The following CFAP54 variants were observed in gnomAD, a reference collection of about 807,000 sequenced individuals.
CFAP54 encodes the protein cilia and flagella associated protein 54.
A neutral mutation model predicts 370.4 loss-of-function variants in CFAP54; 290 were observed. The observed-to-expected ratio is 0.78, with a 90% CI of 0.71 to 0.86. The LOEUF (loss-of-function observed/expected upper bound fraction) is 0.86. CFAP54 is among the 40% of genes least tolerant of loss of function. The pLI is 0.00. For missense variants in CFAP54, 3,399 were observed against 3,528.7 expected, an observed-to-expected ratio of 0.96 and a Z score of 0.93; for synonymous variants, 1,206 against 1,236.5, an observed-to-expected ratio of 0.98 and a Z score of 0.52.
At chr12:96,780,669 G>A (rs192011168) in intron 60 of CFAP54, among the ~76,000 whole-genome samples, 1 of 152,266 alleles carries the variant, frequency 6.6e-6, no homozygotes, top group Admixed American at 6.5e-5. Flanking sequence ...GGCCTATTGT[G>A]TTCCAAGCAG....
intron 27 of CFAP54, 73 bp from the exon 28 acceptor site, chr12:96,623,694 A>C: frequency 1.4e-6 from 1 of 714,274 alleles, no homozygotes; most frequent in East Asian, 2.7e-5. Context: ...ACATAATTTA[A>C]AGAATGTTGT....
At chr12:96,646,185 T>C (rs1320090448) in intron 33 of CFAP54, 2 of 151,726 alleles carry the variant, frequency 1.3e-5, no homozygotes, top group African/African-American at 4.8e-5. Context: ...TGGGAGAAAA[T>C]TTTTGCAATC....
In CFAP54 at chr12:96,616,076, C is replaced by A. The variant is rs569435147; in HGVS notation, c.3640-5514C>A. Among the ~76,000 whole-genome samples the A allele has an allele frequency of 3.5e-3, 540 of 152,190 alleles. 2 individuals carry two copies. The highest frequency in any genetic ancestry group is 6.3e-3 in the Non-Finnish European group (425 of 67,990). On this transcript the variant is annotated intron_variant, in intron 26 of 67. Coordinates refer to ENST00000524981, the MANE Select transcript of CFAP54 (RefSeq NM_001306084.2). ...GACACATGCACACATATGTTTATTGCGGCACTATTCACAATAGCAAAGACT... is the reference window on the plus strand; with the variant it reads ...GACACATGCACACATATGTTTATTGAGGCACTATTCACAATAGCAAAGACT...
chr12:96,579,613 G>T (rs1592861124), intron 20 of CFAP54, among the ~76,000 whole-genome samples: 1 of 152,026 alleles, frequency 6.6e-6, no homozygotes, highest in Non-Finnish European at 1.5e-5. Flanking sequence ...TTGCCTTGTA[G>T]TTTAGGAGTT....
intron 19 of CFAP54, chr12:96,565,120 C>T (rs1445504127): frequency 1.3e-5 from 2 of 156,014 alleles, no homozygotes; most frequent in African/African-American, 4.8e-5. Flanking sequence ...GGTACCTTCT[C>T]TCTTAGATAG....
chr12:96,507,799 C>T (rs1421247002), intron 4 of CFAP54, among the ~76,000 whole-genome samples: 1 of 152,136 alleles, frequency 6.6e-6, no homozygotes, highest in Non-Finnish European at 1.5e-5. Flanking sequence ...ATTTTCTAGC[C>T]TTTTCCTTTC....
intron 9 of CFAP54, among the ~76,000 whole-genome samples, chr12:96,533,258 G>T (rs1003290020): frequency 2.6e-5 from 4 of 151,950 alleles, no homozygotes; most frequent in Non-Finnish European, 5.9e-5. Context: ...ACGCCAATAA[G>T]CCTGGCTAGT....
At chr12:96,596,032 C>T (rs1270555976) in intron 25 of CFAP54, among the ~76,000 whole-genome samples, 3 of 152,018 alleles carry the variant, frequency 2.0e-5, no homozygotes, top group Non-Finnish European at 4.4e-5. Context: ...TGAGGAATGT[C>T]CAGAAAGTTC....
chr12:96,704,728 T>G lies in CFAP54; in HGVS notation c.6475-15T>G. On this transcript the variant is annotated splice_polypyrimidine_tract_variant and intron_variant, in intron 46 of 67. Coordinates refer to ENST00000524981, the MANE Select transcript of CFAP54 (RefSeq NM_001306084.2). Reference sequence around the variant, plus strand: ...GTAATCTTGTTCTTGCTGTTACTATTTTGTATTTTGACAGATCTTTCAATC... The same window carrying G: ...GTAATCTTGTTCTTGCTGTTACTATGTTGTATTTTGACAGATCTTTCAATC... 8.4e-7 allele frequency: 1 copy of G among 1,195,940 alleles called. No homozygotes were observed. The allele number at this position is 1,195,940 out of a possible 1,614,324, so 74.1% of individuals were successfully genotyped here. A position where few individuals can be genotyped will look rare whatever the true frequency, so the allele number is the denominator to read the frequency against.
At chr12:96,512,341 A>G (rs972140544) in intron 4 of CFAP54, among the ~76,000 whole-genome samples, 5 of 65,858 alleles carry the variant, frequency 7.6e-5, no homozygotes, top group African/African-American at 1.8e-4. Flanking sequence ...ATATATATAT[A>G]TATATATATG....
intron 63 of CFAP54, among the ~76,000 whole-genome samples, chr12:96,794,928 G>T (rs1027214836): frequency 2.0e-5 from 3 of 152,180 alleles, no homozygotes; most frequent in African/African-American, 7.2e-5. Flanking sequence ...GTCCCATGGG[G>T]TGCTCCGTTG....
At chr12:96,538,149 A>G (rs1196003419) in intron 12 of CFAP54, among the ~76,000 whole-genome samples, 1 of 151,948 alleles carries the variant, frequency 6.6e-6, no homozygotes, top group Non-Finnish European at 1.5e-5. Flanking sequence ...AATCCCTCCC[A>G]TCTGCCACTC....
intron 8 of CFAP54, among the ~76,000 whole-genome samples, chr12:96,525,544 A>G (rs1183360652): frequency 1.3e-5 from 2 of 152,040 alleles, no homozygotes; most frequent in African/African-American, 2.4e-5. Flanking sequence ...GGGTTTTACC[A>G]TTTCATTTTG....
chr12:96,790,259 G>A (rs1272511410), intron 62 of CFAP54, among the ~76,000 whole-genome samples: 4 of 152,034 alleles, frequency 2.6e-5, no homozygotes, highest in Admixed American at 2.0e-4. Flanking sequence ...TCTGACTAGT[G>A]TGAGCTGCTT....
intron 61 of CFAP54, among the ~76,000 whole-genome samples, chr12:96,785,139 G>A (rs182971697): frequency 5.6e-4 from 85 of 152,238 alleles, no homozygotes; most frequent in African/African-American, 1.9e-3. Context: ...TGATAAGGAG[G>A]CATCCAGAGG....
intron 50 of CFAP54, among the ~76,000 whole-genome samples, chr12:96,736,208 C>T (rs538241393): frequency 7.9e-5 from 12 of 152,276 alleles, no homozygotes; most frequent in African/African-American, 2.9e-4. Flanking sequence ...CCTGGAATCA[C>T]CTCGTTCCAT....
chr12:96,642,094 G>A lies in CFAP54; in HGVS notation c.4317-2084G>A, dbSNP rs138900604. On this transcript the variant is annotated intron_variant, in intron 32 of 67. Coordinates refer to ENST00000524981, the MANE Select transcript of CFAP54 (RefSeq NM_001306084.2). ...AAAGTATAAAAAAAAGAAAAGAATG[G>A]TATTTGTGGTAGGTTTTGTTCTGTG... is the stretch of plus-strand genomic sequence containing the variant. Among the ~76,000 whole-genome samples the A allele has an allele frequency of 8.9e-3, 1,356 of 151,990 alleles. 14 individuals are homozygous for A. The highest frequency in any genetic ancestry group is 0.016 in the Non-Finnish European group (1,069 of 67,906).
At chr12:96,751,064 A>T (rs184353139) in intron 55 of CFAP54, among the ~76,000 whole-genome samples, 2,436 of 152,210 alleles carry the variant, frequency 0.016, 30 homozygotes, top group Non-Finnish European at 0.025. Flanking sequence ...GCATTTAGAG[A>T]TTTTTTTATA....
Position 96,724,337 on chromosome 12 carries a change from G to T in CFAP54, c.6965+3772G>T, listed in dbSNP as rs1159107376. Among the ~76,000 whole-genome samples the T allele has an allele frequency of 1.4e-4, 21 of 151,486 alleles. 1 individual carries two copies. The highest frequency in any genetic ancestry group is 9.2e-4 in the Admixed American group (14 of 15,220). ...TTTCTCCACATCCTCTCCAGCACCTGTTGTTTCCTGACTTTTTAATGATTG... is the reference window on the plus strand; with the variant it reads ...TTTCTCCACATCCTCTCCAGCACCTTTTGTTTCCTGACTTTTTAATGATTG... On this transcript the variant is annotated intron_variant, in intron 50 of 67. Transcript: ENST00000524981.
Sources: allele counts gnomAD v4.1 joint callset (sites outside exome capture counted in the v4.1 genomes callset), GRCh38; gene constraint gnomAD v4.1.1; transcripts MANE v1.5; gene names NCBI Gene and HGNC (gene_info 2026-07-23, HGNC 2026-07-21).